The following PHF24 variants were observed in gnomAD, a reference collection of about 807,000 sequenced individuals.
PHF24 encodes the protein Galpha inhibitory interacting protein.
A neutral mutation model predicts 42.6 loss-of-function variants in PHF24; 25 were observed. That is an observed-to-expected ratio of 0.59 (90% CI 0.43 to 0.82). The LOEUF (loss-of-function observed/expected upper bound fraction) is 0.82. Among genes scored for constraint, PHF24 ranks in the 40% least tolerant of loss-of-function variants. The probability of loss-of-function intolerance (pLI) is 0.00; values close to 1 mark genes in which losing one functional copy is unlikely to be tolerated. For missense variants in PHF24, 470 were observed against 538.1 expected, an observed-to-expected ratio of 0.87 and a Z score of 1.25; for synonymous variants, 185 against 204.8, an observed-to-expected ratio of 0.90 and a Z score of 0.83.
At chr9:34,828,742 A>C in the PHF24 span, among the ~76,000 whole-genome samples, 3 of 152,140 alleles carry the variant, frequency 2.0e-5, no homozygotes, top group Admixed American at 6.6e-5. Flanking sequence ...TGCTTTCAGT[A>C]CACCACACTC....
At chr9:34,898,100 G>A in the PHF24 span, among the ~76,000 whole-genome samples, 15 of 152,226 alleles carry the variant, frequency 9.9e-5, no homozygotes, top group African/African-American at 3.4e-4. Flanking sequence ...TTGGTTCTAC[G>A]TTTTTGCGAT....
At chr9:34,896,598 T>C in the PHF24 span, among the ~76,000 whole-genome samples, 1 of 152,212 alleles carries the variant, frequency 6.6e-6, no homozygotes, top group Admixed American at 6.5e-5. Context: ...CACAAACTTG[T>C]GGCTCTTTGG....
At chr9:34,972,769 C>T (rs147128865) in intron 3 of PHF24, among the ~76,000 whole-genome samples, 1,718 of 152,212 alleles carry the variant, frequency 0.011, 20 homozygotes, top group Non-Finnish European at 0.017. Flanking sequence ...CAAAAATTAG[C>T]TGGGCGTGGT....
the PHF24 span, among the ~76,000 whole-genome samples, chr9:34,890,905 C>T: frequency 6.6e-6 from 1 of 152,206 alleles, no homozygotes; most frequent in Admixed American, 6.5e-5. Flanking sequence ...ACGTTATCTA[C>T]ACAAGCTTCA....
At chr9:34,738,976 C>T in the PHF24 span, among the ~76,000 whole-genome samples, 1 of 152,144 alleles carries the variant, frequency 6.6e-6, no homozygotes, top group South Asian at 2.1e-4. Context: ...CCTGGAACCT[C>T]CTGAGTTTGA....
the PHF24 span, among the ~76,000 whole-genome samples, chr9:34,770,836 G>T: frequency 1.3e-5 from 2 of 152,138 alleles, no homozygotes; most frequent in East Asian, 3.9e-4. Flanking sequence ...TATTGTGGCC[G>T]GGCATGGTGG....
chr9:34,833,288 G>A, the PHF24 span: 2 of 1,551,308 alleles, frequency 1.3e-6, no homozygotes, highest in Non-Finnish European at 1.7e-6. Context: ...AGGCATGTGG[G>A]CCTCTGTCAT....
chr9:34,978,614 G>C (rs1415553575), exon 8 of PHF24: 2 of 154,334 alleles, frequency 1.3e-5, no homozygotes, highest in African/African-American at 4.8e-5. Flanking sequence ...AGCTCCTGGA[G>C]ATCCTAATGG....
the PHF24 span, among the ~76,000 whole-genome samples, chr9:34,861,837 A>G: frequency 6.6e-6 from 1 of 152,224 alleles, no homozygotes; most frequent in Non-Finnish European, 1.5e-5. Flanking sequence ...GTATCTTCCC[A>G]TAGGTTAAGG....
the PHF24 span, among the ~76,000 whole-genome samples, chr9:34,848,501 A>G: frequency 5.8e-4 from 88 of 151,514 alleles, no homozygotes; most frequent in South Asian, 5.7e-3. Flanking sequence ...TTTCTTCTTT[A>G]TTAGTTTTGC....
the PHF24 span, among the ~76,000 whole-genome samples, chr9:34,679,813 G>A: frequency 6.6e-6 from 1 of 152,326 alleles, no homozygotes; most frequent in African/African-American, 2.4e-5. Context: ...ACCAAAAATA[G>A]CAGTGAGTTT....
the PHF24 span, among the ~76,000 whole-genome samples, chr9:34,908,725 T>C: frequency 2.6e-5 from 4 of 152,190 alleles, no homozygotes; most frequent in Admixed American, 2.0e-4. Flanking sequence ...AAAGCCTCCA[T>C]AGTATGGTGT....
At chr9:34,776,001 A>G in the PHF24 span, among the ~76,000 whole-genome samples, 2 of 152,328 alleles carry the variant, frequency 1.3e-5, no homozygotes, top group South Asian at 4.1e-4. Context: ...AGAAGACCAC[A>G]TACTGTATGA....
At chr9:34,680,684 T>A in the PHF24 span, among the ~76,000 whole-genome samples, 1 of 72,224 alleles carries the variant, frequency 1.4e-5, no homozygotes. Context: ...CGAGACTCCG[T>A]CTCAAAAAAA....
At chr9:34,691,005 G>A in the PHF24 span, 95 of 1,209,684 alleles carry the variant, frequency 7.9e-5, 1 homozygote, top group Admixed American at 1.8e-3. Flanking sequence ...TGTCCCTTAC[G>A]TCCAGTGCCA....
At chr9:34,968,568 A>G (rs191032043) in intron 1 of PHF24, among the ~76,000 whole-genome samples, 98 of 152,324 alleles carry the variant, frequency 6.4e-4, no homozygotes, top group African/African-American at 1.8e-3. Flanking sequence ...ATTCAAGAAT[A>G]TGAATTTCCT....
At chr9:34,876,717 C>G in the PHF24 span, among the ~76,000 whole-genome samples, 2 of 151,964 alleles carry the variant, frequency 1.3e-5, no homozygotes, top group Non-Finnish European at 2.9e-5. Context: ...GAAATTGAAA[C>G]CCTGGTGCAT....
At chr9:34,971,207 A>T in intron 1 of PHF24, 88 bp from the exon 2 acceptor site, 1 of 1,439,592 alleles carries the variant, frequency 6.9e-7, no homozygotes, top group Non-Finnish European at 9.4e-7. Context: ...GAAACTGTTT[A>T]ATAGCCCTTG....
At chr9:34,764,986 C>G in the PHF24 span, among the ~76,000 whole-genome samples, 2 of 152,092 alleles carry the variant, frequency 1.3e-5, no homozygotes, top group African/African-American at 4.8e-5. Flanking sequence ...GCAGGTTGTT[C>G]AGTTTCCATG....
Sources: allele counts gnomAD v4.1 joint callset (sites outside exome capture counted in the v4.1 genomes callset), GRCh38; gene constraint gnomAD v4.1.1; transcripts MANE v1.5; gene names NCBI Gene and HGNC (gene_info 2026-07-23, HGNC 2026-07-21).